The following SEC14L5 variants were observed in gnomAD, a reference collection of about 807,000 sequenced individuals.
SEC14L5 encodes the protein SEC14-like protein 5.
Under a neutral mutation model 84.6 loss-of-function variants are expected in SEC14L5, and 96 were observed. The observed-to-expected ratio is 1.13, with a 90% confidence interval of 0.96 to 1.34. The LOEUF (loss-of-function observed/expected upper bound fraction) is 1.34. Ranked by LOEUF, SEC14L5 falls within the 40% of genes most tolerant of loss-of-function variation. The pLI is 0.00. For synonymous variants in SEC14L5, 546 were observed against 383.4 expected, an observed-to-expected ratio of 1.42 and a Z score of -4.95; for missense variants, 1,224 against 942.5, an observed-to-expected ratio of 1.30 and a Z score of -3.91.
chr16:4,964,865 G>A (rs1271567258), intron 2 of SEC14L5, among the ~76,000 whole-genome samples: 1 of 151,972 alleles, frequency 6.6e-6, no homozygotes, highest in Non-Finnish European at 1.5e-5. Context: ...TGAGTAGCTG[G>A]GATTACAGAT....
intron 2 of SEC14L5, among the ~76,000 whole-genome samples, chr16:4,967,644 C>G (rs1406930402): frequency 1.5e-5 from 2 of 129,602 alleles, no homozygotes; most frequent in African/African-American, 6.0e-5. Flanking sequence ...GCAATCTTGG[C>G]TCATTGAAAC....
chr16:4,982,062 G>A (rs1205894872), intron 2 of SEC14L5, among the ~76,000 whole-genome samples: 3 of 152,150 alleles, frequency 2.0e-5, no homozygotes, highest in African/African-American at 7.2e-5. Context: ...CTATTCCAAC[G>A]CTGATGTGTT....
intron 8 of SEC14L5, among the ~76,000 whole-genome samples, chr16:4,999,302 G>A (rs1422740805): frequency 2.0e-5 from 3 of 152,070 alleles, no homozygotes; most frequent in African/African-American, 4.8e-5. Flanking sequence ...ATGCATTCAA[G>A]TGTCCTTAAA....
chr16:5,014,785 T>C (rs1186738662), intron 15 of SEC14L5, 74 bp from the exon 16 acceptor site: 6 of 1,172,018 alleles, frequency 5.1e-6, no homozygotes, highest in Non-Finnish European at 7.5e-6. Context: ...TCAACAGCTT[T>C]TCCACTGCTG....
chr16:5,010,605 C>G (rs1363135019), intron 14 of SEC14L5, among the ~76,000 whole-genome samples: 1 of 152,150 alleles, frequency 6.6e-6, no homozygotes, highest in Non-Finnish European at 1.5e-5. Context: ...GCATGTCCCT[C>G]ACAGCCACTG....
Position 5,000,840 on chromosome 16 carries a change from G to C in SEC14L5, c.1060-15G>C. 1.3e-6 allele frequency: 2 copies of C among 1,597,550 alleles called. No homozygotes were observed. The highest frequency in any genetic ancestry group is 1.7e-6 in the Non-Finnish European group (2 of 1,172,044). On this transcript the variant is annotated splice_polypyrimidine_tract_variant and intron_variant, in intron 9 of 15. Coordinates refer to ENST00000251170, the MANE Select transcript of SEC14L5 (RefSeq NM_014692.2). ...AGCGAGGCGGACGTTGAGCAGCACT[G>C]TCTCTCCCTTCCAGGTTCTCTCCGT...
rs763262413 is a variant in SEC14L5 at position 5,003,538 on chromosome 16, C to G, written c.1267C>G (p.Arg423Gly). ...GACCCTGGGTCGGCTGCTCATCGTG[C>G]GAGCCCCCCGAGTCTTCCCCGTGCT... The part of the protein sequence containing the change: ...PETLGRLLIV[R>G]APRVFPVLWT... The change falls in exon 11 of 16, where the codon CGA (arginine) becomes GGA (glycine). Residue 423 changes from arginine (R) to glycine (G), a missense_variant. Arg to Gly is a moderately radical substitution (Grantham distance 125). Coordinates refer to ENST00000251170, the MANE Select transcript of SEC14L5 (RefSeq NM_014692.2). 12 of 1,606,100 alleles carry G rather than the reference C, an allele frequency of 7.5e-6. No homozygotes were observed. Among genetic ancestry groups the G allele is most frequent in the Non-Finnish European group, 1.0e-5 (12 of 1,178,598 alleles).
rs143028667 is a variant in SEC14L5, at chr16:5,002,395, C to T, written c.1131-1007C>T. On this transcript the variant is annotated intron_variant, in intron 10 of 15. Transcript: ENST00000251170. ...CACTCCAACCTCCACCTCCTGGGTT[C>T]AAGTGATTCTCGTGCCTCAGCCTCC... 7.7e-3 allele frequency among the ~76,000 whole-genome samples: 1,148 copies of T among 149,616 alleles called. 7 individuals carry two copies. The highest frequency in any genetic ancestry group is 0.036 in the South Asian group (172 of 4,736).
At position 4,983,048 on chromosome 16, in the gene SEC14L5, G is replaced by A. The variant is rs913882360; in HGVS notation, c.64-4509G>A. 5.3e-5 allele frequency among the ~76,000 whole-genome samples: 8 copies of A among 151,976 alleles called. No individual in the cohort carries two copies. In the East Asian group the frequency reaches 1.5e-3, roughly 29 times the overall value. On this transcript the variant is annotated intron_variant, in intron 2 of 15. Coordinates refer to ENST00000251170, the MANE Select transcript of SEC14L5 (RefSeq NM_014692.2). Reference sequence around the variant, plus strand: ...GATGGAGCCTGGCTCTGTTGCCCAGGCTGGAGTTCAGTGGCACGATCTCCG... The same window carrying A: ...GATGGAGCCTGGCTCTGTTGCCCAGACTGGAGTTCAGTGGCACGATCTCCG...
intron 4 of SEC14L5, among the ~76,000 whole-genome samples, chr16:4,989,616 G>T (rs546309980): frequency 6.6e-6 from 1 of 152,206 alleles, no homozygotes; most frequent in Admixed American, 6.5e-5. Flanking sequence ...CAAAGTGCTG[G>T]GATTACAGAC....
At chr16:5,013,106 G>C (rs56153521) in intron 15 of SEC14L5, among the ~76,000 whole-genome samples, 32,733 of 151,808 alleles carry the variant, frequency 0.22, 4,241 homozygotes, top group Admixed American at 0.33. Context: ...ATCGCAAGAA[G>C]ACCATGGGGG....
At chr16:4,979,047 G>C (rs1955386582) in intron 2 of SEC14L5, among the ~76,000 whole-genome samples, 1 of 152,206 alleles carries the variant, frequency 6.6e-6, no homozygotes, top group Non-Finnish European at 1.5e-5. Context: ...TCTTCTCCAA[G>C]TCAGATGCAG....
chr16:4,971,883 A>G (rs751501127), intron 2 of SEC14L5, among the ~76,000 whole-genome samples: 21 of 152,188 alleles, frequency 1.4e-4, no homozygotes, highest in Admixed American at 6.5e-5. Context: ...TGTACAAGGC[A>G]CCAGGGAATT....
chr16:4,969,974 T>C (rs7197511), intron 2 of SEC14L5, among the ~76,000 whole-genome samples: 61,411 of 151,526 alleles, frequency 0.41, 12,895 homozygotes, highest in Non-Finnish European at 0.47. Context: ...CACACAACCA[T>C]GCTAGGCTAA....
intron 6 of SEC14L5, 75 bp from the exon 7 acceptor site, chr16:4,996,273 G>A: frequency 1.1e-6 from 1 of 893,154 alleles, no homozygotes; most frequent in Admixed American, 2.2e-5. Flanking sequence ...AGCCAGTAAG[G>A]AATGGCACAC....
intron 14 of SEC14L5, among the ~76,000 whole-genome samples, chr16:5,010,028 T>C (rs1419633209): frequency 6.6e-6 from 1 of 151,644 alleles, no homozygotes; most frequent in African/African-American, 2.4e-5. Context: ...CACTGTGGTT[T>C]CAGAACTGAT....
chr16:4,967,562 G>GTTTTTTTT (rs869061549), intron 2 of SEC14L5, among the ~76,000 whole-genome samples: 5 of 37,064 alleles, frequency 1.3e-4, no homozygotes, highest in Non-Finnish European at 2.2e-4. Context: ...TCTTTCTTTC[G>GTTTTTTTT]TTTTTTTTTT....
intron 6 of SEC14L5, among the ~76,000 whole-genome samples, chr16:4,994,362 T>C (rs1285342189): frequency 6.6e-6 from 1 of 152,062 alleles, no homozygotes; most frequent in Non-Finnish European, 1.5e-5. Context: ...TATTATTCTT[T>C]TTCTTTTTTT....
rs1336446326 is a variant in SEC14L5, at chr16:5,016,033, G to C, written c.*1063G>C. The C allele has an allele frequency of 6.6e-6, 1 of 152,204 alleles. No individual in the cohort carries two copies. The highest frequency in any genetic ancestry group is 6.5e-5 in the Admixed American group (1 of 15,288). The allele number at this position is 152,204 out of a possible 1,614,324, so 9.4% of individuals were successfully genotyped here. On this transcript the variant is annotated 3_prime_UTR_variant, in exon 16 of 16. Transcript: ENST00000251170. ...AAGCCACAGAGACCCATGCCCAGGT[G>C]CTTCAACACAAAAGCATGATCATTC...
Sources: allele counts gnomAD v4.1 joint callset (sites outside exome capture counted in the v4.1 genomes callset), GRCh38; gene constraint gnomAD v4.1.1; transcripts MANE v1.5; gene names NCBI Gene and HGNC (gene_info 2026-07-23, HGNC 2026-07-21).